Variants in ZNG1B observed in about 807,000 individuals in gnomAD.
The protein encoded by ZNG1B is zinc-regulated GTPase metalloprotein activator 1B.
the ZNG1B span, chr2:113,470,800 C>G: frequency 1.8e-6 from 1 of 565,218 alleles, no homozygotes; most frequent in African/African-American, 1.9e-5. Flanking sequence ...TTGAAAAGCT[C>G]ATAAATTTCA....
chr2:113,443,809 A>T, the ZNG1B span: 1 of 1,607,216 alleles, frequency 6.2e-7, no homozygotes, highest in Non-Finnish European at 8.5e-7. Context: ...CAAGGTGGAG[A>T]GCTCTATGAA....
At chr2:113,456,454 GTTT>G in the ZNG1B span, among the ~76,000 whole-genome samples, 2 of 145,168 alleles carry the variant, frequency 1.4e-5, no homozygotes, top group African/African-American at 5.1e-5. Flanking sequence ...AAGACATTTT[GTTT>G]TTTTTTTTAT....
chr2:113,455,457 G>T, the ZNG1B span: 1 of 478,598 alleles, frequency 2.1e-6, no homozygotes, highest in East Asian at 6.9e-5. Context: ...TAAGGTCCTA[G>T]AATGCATTTA....
At chr2:113,444,626 TA>T in the ZNG1B span, among the ~76,000 whole-genome samples, 3 of 152,044 alleles carry the variant, frequency 2.0e-5, no homozygotes, top group Non-Finnish European at 4.4e-5. Context: ...TAAACTACTA[TA>T]GTTAATAAAT....
the ZNG1B span, among the ~76,000 whole-genome samples, chr2:113,487,305 T>A: frequency 6.6e-6 from 1 of 152,028 alleles, no homozygotes; most frequent in East Asian, 1.9e-4. Flanking sequence ...TACACTATCA[T>A]GTTTGTATAA....
chr2:113,475,610 T>C, the ZNG1B span, among the ~76,000 whole-genome samples: 1 of 151,988 alleles, frequency 6.6e-6, no homozygotes, highest in Non-Finnish European at 1.5e-5. Flanking sequence ...TTTGGCATGA[T>C]TCTGCAGTGG....
At chr2:113,444,715 C>T in the ZNG1B span, among the ~76,000 whole-genome samples, 3 of 151,772 alleles carry the variant, frequency 2.0e-5, no homozygotes, top group African/African-American at 7.3e-5. Flanking sequence ...AAAGTTTCCT[C>T]TGCTTTTAAT....
At chr2:113,438,041 C>A in the ZNG1B span, 1 of 1,611,828 alleles carries the variant, frequency 6.2e-7, no homozygotes, top group South Asian at 1.1e-5. Flanking sequence ...CCATCCCAGT[C>A]ACAAAATGGC....
the ZNG1B span, among the ~76,000 whole-genome samples, chr2:113,481,085 ATT>A: frequency 0.24 from 29,952 of 124,164 alleles, 2,906 homozygotes; most frequent in East Asian, 0.4. Flanking sequence ...TCGTTGTTAG[ATT>A]TTTTTTTTTT....
the ZNG1B span, chr2:113,453,033 T>C: frequency 1.4e-6 from 2 of 1,455,896 alleles, no homozygotes; most frequent in East Asian, 2.3e-5. Flanking sequence ...TAAGAAGATA[T>C]ATGTGTTTAC....
the ZNG1B span, among the ~76,000 whole-genome samples, chr2:113,449,165 AT>A: frequency 1.3e-5 from 2 of 151,640 alleles, no homozygotes; most frequent in Non-Finnish European, 2.9e-5. Flanking sequence ...GTTGCTCTGA[AT>A]TAGGCTTTGG....
the ZNG1B span, chr2:113,438,022 G>C: frequency 4.3e-6 from 7 of 1,611,766 alleles, no homozygotes; most frequent in Non-Finnish European, 5.9e-6. Flanking sequence ...CGGGTATTTA[G>C]GTAACTAACC....
chr2:113,489,267 T>C, the ZNG1B span, among the ~76,000 whole-genome samples: 1 of 151,502 alleles, frequency 6.6e-6, no homozygotes, highest in Non-Finnish European at 1.5e-5. Flanking sequence ...AAGCTTCATA[T>C]ATGAAGGCAA....
chr2:113,440,554 G>A, the ZNG1B span, among the ~76,000 whole-genome samples: 14 of 151,962 alleles, frequency 9.2e-5, no homozygotes, highest in Non-Finnish European at 1.8e-4. Context: ...CTCTTAAAAA[G>A]CTTTGAAAGG....
the ZNG1B span, chr2:113,460,664 T>C: frequency 6.3e-7 from 1 of 1,594,128 alleles, no homozygotes; most frequent in Non-Finnish European, 8.5e-7. Flanking sequence ...CAAACTTTTT[T>C]TTGTTTAGCA....
At chr2:113,481,359 G>C in the ZNG1B span, among the ~76,000 whole-genome samples, 1 of 150,658 alleles carries the variant, frequency 6.6e-6, no homozygotes. Context: ...GCAACCAGCT[G>C]GGAAGGATTT....
the ZNG1B span, among the ~76,000 whole-genome samples, chr2:113,490,262 G>A: frequency 2.6e-5 from 4 of 152,060 alleles, no homozygotes; most frequent in African/African-American, 9.7e-5. Flanking sequence ...ATGATCACTG[G>A]GTCAAAGATG....
chr2:113,459,839 AAT>A, the ZNG1B span, among the ~76,000 whole-genome samples: 1 of 144,622 alleles, frequency 6.9e-6, no homozygotes, highest in African/African-American at 2.5e-5. Context: ...GTAAAAGTGT[AAT>A]TTCCCAGAGA....
the ZNG1B span, among the ~76,000 whole-genome samples, chr2:113,477,546 C>T: frequency 2.6e-5 from 4 of 152,318 alleles, no homozygotes; most frequent in African/African-American, 9.6e-5. Context: ...CTCCTCTCTC[C>T]TCTCTTCACT....
Sources: allele counts gnomAD v4.1 joint callset (sites outside exome capture counted in the v4.1 genomes callset), GRCh38; gene constraint gnomAD v4.1.1; transcripts MANE v1.5; gene names NCBI Gene and HGNC (gene_info 2026-07-23, HGNC 2026-07-21).